The following MATCAP2 variants were observed in gnomAD, a reference collection of about 807,000 sequenced individuals.
The protein encoded by MATCAP2 is microtubule associated tyrosine carboxypeptidase 2.
At chr7:36,384,119 T>C in the MATCAP2 span, among the ~76,000 whole-genome samples, 4 of 152,174 alleles carry the variant, frequency 2.6e-5, no homozygotes, top group South Asian at 2.1e-4. Context: ...GGGTCTTTGT[T>C]GCAGTCCCTG....
the MATCAP2 span, among the ~76,000 whole-genome samples, chr7:36,366,499 A>G: frequency 2.8e-4 from 43 of 152,352 alleles, 1 homozygote; most frequent in South Asian, 8.5e-3. Context: ...ACACACAAAT[A>G]TACACAGTAT....
chr7:36,367,076 C>G, the MATCAP2 span: 1 of 1,271,268 alleles, frequency 7.9e-7, no homozygotes, highest in Non-Finnish European at 9.9e-7. Context: ...CTACCTGGAG[C>G]AGGATAAGGA....
At chr7:36,365,353 TGGGGGCG>T in the MATCAP2 span, among the ~76,000 whole-genome samples, 1 of 152,128 alleles carries the variant, frequency 6.6e-6, no homozygotes, top group East Asian at 1.9e-4. Flanking sequence ...GTCACAATTA[TGGGGGCG>T]GGGCAGAGAA....
chr7:36,373,604 C>T, the MATCAP2 span, among the ~76,000 whole-genome samples: 9 of 151,898 alleles, frequency 5.9e-5, no homozygotes, highest in African/African-American at 2.2e-4. Context: ...AGACTTTATT[C>T]TTTATTTTTT....
chr7:36,367,292 G>A, the MATCAP2 span: 2 of 1,029,954 alleles, frequency 1.9e-6, no homozygotes, highest in East Asian at 1.6e-4. Flanking sequence ...GCGCCGCTGG[G>A]GGCGCTCGTG....
the MATCAP2 span, chr7:36,324,392 G>A: frequency 1.3e-5 from 2 of 152,148 alleles, no homozygotes; most frequent in African/African-American, 4.8e-5. Context: ...ACTGTCTGGT[G>A]TTAAAACCTA....
chr7:36,362,079 T>G, the MATCAP2 span, among the ~76,000 whole-genome samples: 2 of 152,228 alleles, frequency 1.3e-5, no homozygotes, highest in African/African-American at 4.8e-5. Flanking sequence ...AATGGTTATG[T>G]ATGTACAAAG....
chr7:36,361,901 C>T, the MATCAP2 span, among the ~76,000 whole-genome samples: 2 of 152,166 alleles, frequency 1.3e-5, no homozygotes, highest in African/African-American at 4.8e-5. Flanking sequence ...GAAGCCACAT[C>T]AAAAGATTTT....
At chr7:36,367,881 T>C in the MATCAP2 span, among the ~76,000 whole-genome samples, 1 of 152,118 alleles carries the variant, frequency 6.6e-6, no homozygotes, top group Non-Finnish European at 1.5e-5. Context: ...CTGGGCCACA[T>C]GGCGAAAACC....
the MATCAP2 span, among the ~76,000 whole-genome samples, chr7:36,375,316 C>T: frequency 3.3e-5 from 5 of 152,124 alleles, no homozygotes; most frequent in South Asian, 4.2e-4. Flanking sequence ...TTTCATGTGT[C>T]GAAGGCCTTT....
the MATCAP2 span, among the ~76,000 whole-genome samples, chr7:36,380,143 A>C: frequency 6.6e-6 from 1 of 152,204 alleles, no homozygotes; most frequent in Non-Finnish European, 1.5e-5. Context: ...AAAGGTGATG[A>C]GCAGGGCATT....
the MATCAP2 span, among the ~76,000 whole-genome samples, chr7:36,381,487 A>G: frequency 6.6e-6 from 1 of 152,122 alleles, no homozygotes; most frequent in African/African-American, 2.4e-5. Context: ...CCTGGCCAAC[A>G]TGGTGAAACC....
the MATCAP2 span, chr7:36,333,916 T>C: frequency 3.1e-6 from 5 of 1,614,174 alleles, no homozygotes; most frequent in Middle Eastern, 1.6e-4. Flanking sequence ...CATCTTGTAT[T>C]GGGGTCCTTG....
the MATCAP2 span, chr7:36,356,914 T>C: frequency 6.2e-7 from 1 of 1,613,978 alleles, no homozygotes; most frequent in Non-Finnish European, 8.5e-7. Context: ...GCTTAAGAAA[T>C]CGGTCAGATG....
chr7:36,359,774 C>T, the MATCAP2 span, among the ~76,000 whole-genome samples: 1 of 152,188 alleles, frequency 6.6e-6, no homozygotes, highest in South Asian at 2.1e-4. Context: ...GTGTTGCCAA[C>T]TAACAGTCAA....
the MATCAP2 span, among the ~76,000 whole-genome samples, chr7:36,373,866 C>A: frequency 3.9e-5 from 6 of 151,964 alleles, no homozygotes; most frequent in Non-Finnish European, 4.4e-5. Flanking sequence ...CTCACTGCAA[C>A]TTCCATCTCC....
chr7:36,367,358 G>A, the MATCAP2 span: 3 of 990,318 alleles, frequency 3.0e-6, no homozygotes, highest in Non-Finnish European at 3.6e-6. Context: ...CTCCCGGCGT[G>A]CACAGCGCGG....
chr7:36,387,545 A>G, the MATCAP2 span, among the ~76,000 whole-genome samples: 1 of 152,194 alleles, frequency 6.6e-6, no homozygotes, highest in Non-Finnish European at 1.5e-5. Flanking sequence ...GTAGGAGACA[A>G]TTGTAATACC....
the MATCAP2 span, among the ~76,000 whole-genome samples, chr7:36,353,088 G>A: frequency 6.6e-6 from 1 of 152,174 alleles, no homozygotes. Flanking sequence ...AGACAGCATA[G>A]TGAGACCCCC....
Sources: gnomAD v4.1 joint callset for allele counts (sites outside exome capture counted in the v4.1 genomes callset) on GRCh38, gnomAD v4.1.1 for gene constraint, MANE v1.5 for transcripts, NCBI Gene and HGNC (gene_info 2026-07-23, HGNC 2026-07-21) for gene names.